The following HECW1 variants were observed in gnomAD, a reference collection of about 807,000 sequenced individuals.
The protein encoded by HECW1 is HECT, C2 and WW domain containing E3 ubiquitin protein ligase 1, also known as E3 ubiquitin-protein ligase HECW1.
Under a neutral mutation model 182.3 loss-of-function variants are expected in HECW1, and 61 were observed. That is an observed-to-expected ratio of 0.33 (90% CI 0.27 to 0.41). The LOEUF (loss-of-function observed/expected upper bound fraction) is 0.41, where lower values mean the gene tolerates loss of function less well. Among genes scored for constraint, HECW1 ranks in the 10% least tolerant of loss-of-function variants. The pLI, the probability that HECW1 is intolerant of heterozygous loss-of-function variation, is 1.00. For missense variants in HECW1, 1,739 were observed against 2,108.9 expected (o/e 0.82, Z 3.44); for synonymous variants, 859 against 832.6 (o/e 1.03, Z -0.55).
At chr7:43,279,821 G>A (rs1363238274) in intron 3 of HECW1, among the ~76,000 whole-genome samples, 1 of 152,112 alleles carries the variant, frequency 6.6e-6, no homozygotes, top group Non-Finnish European at 1.5e-5. Context: ...TATGTTGCTT[G>A]AGAACAGGGA....
At chr7:43,476,881 G>C (rs2078236910) in intron 16 of HECW1, among the ~76,000 whole-genome samples, 1 of 152,110 alleles carries the variant, frequency 6.6e-6, no homozygotes, top group Non-Finnish European at 1.5e-5. Flanking sequence ...GAATGATTGA[G>C]AGATTTGAAT....
At chr7:43,178,315 C>G (rs1330777141) in intron 2 of HECW1, among the ~76,000 whole-genome samples, 1 of 49,482 alleles carries the variant, frequency 2.0e-5, no homozygotes, top group Non-Finnish European at 4.0e-5. Context: ...CAGCAGGGTT[C>G]TATCTAACTA....
chr7:43,187,237 AGAAGTC>A (rs1793496110), intron 2 of HECW1, among the ~76,000 whole-genome samples: 1 of 151,544 alleles, frequency 6.6e-6, no homozygotes, highest in African/African-American at 2.5e-5. Context: ...AGAGCAAGTC[AGAAGTC>A]ATGATGTCTT....
chr7:43,361,060 G>GCA (rs1815832198), intron 6 of HECW1, 80 bp downstream of exon 6: 3 of 108,108 alleles, frequency 2.8e-5, no homozygotes, highest in Non-Finnish European at 4.2e-5. Flanking sequence ...GTGCGTGCGT[G>GCA]TGTGTGTGTG....
chr7:43,307,185 A>G (rs1460438939), intron 3 of HECW1, among the ~76,000 whole-genome samples: 2 of 152,198 alleles, frequency 1.3e-5, no homozygotes, highest in African/African-American at 4.8e-5. Context: ...CATTTTTTCA[A>G]GCGTCAACTA....
chr7:43,501,118 G>GT, intron 20 of HECW1, 95 bp from the exon 21 acceptor site: 2 of 671,068 alleles, frequency 3.0e-6, no homozygotes, highest in African/African-American at 1.8e-5. Context: ...TGTGAGAAGT[G>GT]TAAGTGCTGC....
At chr7:43,345,823 CACACAT>C (rs1364366801) in intron 5 of HECW1, among the ~76,000 whole-genome samples, 2 of 141,686 alleles carry the variant, frequency 1.4e-5, no homozygotes, top group African/African-American at 2.7e-5. Flanking sequence ...CACACACACA[CACACAT>C]CATATATATA....
At chr7:43,244,045 G>A (rs1277548593) in intron 3 of HECW1, 113 bp downstream of exon 3, 8 of 844,634 alleles carry the variant, frequency 9.5e-6, no homozygotes, top group Non-Finnish European at 1.7e-5. Flanking sequence ...CCCAGCCCAG[G>A]AATTATCTCA....
At chr7:43,230,746 T>A (rs1797809669) in intron 2 of HECW1, among the ~76,000 whole-genome samples, 1 of 152,178 alleles carries the variant, frequency 6.6e-6, no homozygotes, top group Non-Finnish European at 1.5e-5. Flanking sequence ...AAATTATATG[T>A]CTCTCACATA....
chr7:43,392,170 C>T (rs2152835006), intron 6 of HECW1, among the ~76,000 whole-genome samples: 1 of 152,296 alleles, frequency 6.6e-6, no homozygotes, highest in South Asian at 2.1e-4. Context: ...ATGAATAAGA[C>T]TCAGTGACAT....
chr7:43,398,848 T>G (rs2075315111), intron 7 of HECW1, among the ~76,000 whole-genome samples: 2 of 151,716 alleles, frequency 1.3e-5, no homozygotes, highest in South Asian at 4.2e-4. Context: ...TAGTCAGGAG[T>G]GCTGATTGGT....
intron 12 of HECW1, among the ~76,000 whole-genome samples, chr7:43,452,009 A>G (rs1275398688): frequency 6.6e-6 from 1 of 152,178 alleles, no homozygotes; most frequent in Non-Finnish European, 1.5e-5. Flanking sequence ...ATTCAACTGT[A>G]ATTTATTGGT....
intron 16 of HECW1, among the ~76,000 whole-genome samples, chr7:43,470,646 A>G (rs1218025070): frequency 6.6e-6 from 1 of 152,226 alleles, no homozygotes; most frequent in Non-Finnish European, 1.5e-5. Flanking sequence ...CTCTTTAGCA[A>G]GAAGATATCA....
At chr7:43,426,725 T>G (rs2076374739) in intron 8 of HECW1, among the ~76,000 whole-genome samples, 1 of 152,200 alleles carries the variant, frequency 6.6e-6, no homozygotes, top group Non-Finnish European at 1.5e-5. Flanking sequence ...TGGTAAAATG[T>G]ACTTATAACG....
chr7:43,322,751 A>G (rs1246620078), intron 5 of HECW1, among the ~76,000 whole-genome samples: 1 of 152,200 alleles, frequency 6.6e-6, no homozygotes, highest in Non-Finnish European at 1.5e-5. Flanking sequence ...ATGAGTAGTG[A>G]TTGTTAGACA....
Position 43,553,792 on chromosome 7 carries a change from T to C in HECW1, c.4511-800T>C, listed in dbSNP as rs117618914. 4.3e-3 allele frequency among the ~76,000 whole-genome samples: 648 copies of C among 152,194 alleles called. 9 individuals carry two copies. The highest frequency in any genetic ancestry group is 0.026 in the East Asian group (134 of 5,188). On this transcript the variant is annotated intron_variant, in intron 28 of 29. Transcript: ENST00000395891. ...TAGTGGCTTACTGTTGCCTGCATAT[T>C]TCCTCCTCTTTCTTGTTATTCTTTA...
chr7:43,509,045 T>C lies in HECW1; in HGVS notation c.3943T>C (p.Phe1315Leu). ...GCTCTTCAACCCTTACTATGGACTC[T>C]TTGAGTACTCGGCAAATGATACTTA... is the stretch of plus-strand genomic sequence containing the variant. ...QELFNPYYGL[F>L]EYSANDTYTV... Residue 1315 changes from phenylalanine (F) to leucine (L), a missense_variant, in exon 24 of 30, where the codon TTT becomes CTT. Coordinates refer to ENST00000395891, the MANE Select transcript of HECW1 (RefSeq NM_015052.5). 1 of 1,614,174 alleles carries C rather than the reference T, an allele frequency of 6.2e-7. No individual in the cohort carries two copies. The highest frequency in any genetic ancestry group is 8.5e-7 in the Non-Finnish European group (1 of 1,179,994).
intron 24 of HECW1, among the ~76,000 whole-genome samples, chr7:43,523,500 T>C (rs1403908040): frequency 6.6e-6 from 1 of 151,994 alleles, no homozygotes; most frequent in Admixed American, 6.6e-5. Flanking sequence ...AGACAATAGA[T>C]AGCCCAAGTG....
In HECW1 at chr7:43,275,703, C is replaced by T. The variant is rs186803530; in HGVS notation, c.27+31771C>T. On this transcript the variant is annotated intron_variant, in intron 3 of 29. Coordinates refer to ENST00000395891, the MANE Select transcript of HECW1 (RefSeq NM_015052.5). ...ACTCACCAAGTAGTCTGTTCTTATG[C>T]GCACGCACACACACACACACACACA... Among the ~76,000 whole-genome samples, 490 of 149,414 alleles carry T rather than the reference C, an allele frequency of 3.3e-3. 2 individuals carry two copies. The highest frequency in any genetic ancestry group is 5.7e-3 in the Non-Finnish European group (387 of 67,526).
Sources: allele counts gnomAD v4.1 joint callset (sites outside exome capture counted in the v4.1 genomes callset), GRCh38; gene constraint gnomAD v4.1.1; transcripts MANE v1.5; gene names NCBI Gene and HGNC (gene_info 2026-07-23, HGNC 2026-07-21).